The following PHTF2 variants were observed in gnomAD, a reference collection of about 807,000 sequenced individuals.
PHTF2 encodes the protein protein PHTF2.
Under a neutral mutation model 101.2 loss-of-function variants are expected in PHTF2, and 60 were observed. The ratio of observed to expected loss-of-function variants is 0.59; its 90% CI spans 0.48 to 0.73. The LOEUF (loss-of-function observed/expected upper bound fraction) is 0.73, where lower values mean the gene tolerates loss of function less well. Ranked by LOEUF, PHTF2 falls within the 30% of genes least tolerant of loss-of-function variation. The pLI is 0.00. For synonymous variants in PHTF2, 311 were observed against 307.3 expected, an observed-to-expected ratio of 1.01 and a Z score of -0.13; for missense variants, 747 against 908.7, an observed-to-expected ratio of 0.82 and a Z score of 2.29.
chr7:77,899,083 G>A (rs1372132657), intron 5 of PHTF2, among the ~76,000 whole-genome samples: 1 of 152,126 alleles, frequency 6.6e-6, no homozygotes, highest in Admixed American at 6.5e-5. Flanking sequence ...GATTAAAGGC[G>A]TGAGCCACTG....
intron 16 of PHTF2, among the ~76,000 whole-genome samples, chr7:77,949,346 A>G (rs2150993597): frequency 6.6e-6 from 1 of 152,304 alleles, no homozygotes; most frequent in East Asian, 1.9e-4. Flanking sequence ...ATTATGGAAA[A>G]GATAAACATA....
chr7:77,948,132 G>T (rs1806240058), intron 16 of PHTF2, among the ~76,000 whole-genome samples: 1 of 152,078 alleles, frequency 6.6e-6, no homozygotes, highest in Non-Finnish European at 1.5e-5. Context: ...GAGCCACTAT[G>T]CCTGGCCTAA....
exon 10 of PHTF2, chr7:77,920,359 T>A (rs1421488371): frequency 6.2e-7 from 1 of 1,610,844 alleles, no homozygotes; most frequent in Admixed American, 1.7e-5. Flanking sequence ...AAGAAGACTG[T>A]TAAAAGCGGT....
At chr7:77,896,693 T>C (rs1800903559) in intron 5 of PHTF2, among the ~76,000 whole-genome samples, 2 of 152,210 alleles carry the variant, frequency 1.3e-5, no homozygotes, top group Admixed American at 1.3e-4. Context: ...CAAATTATGG[T>C]GTAAAATAAT....
chr7:77,946,907 A>G (rs1806092999), intron 16 of PHTF2, among the ~76,000 whole-genome samples: 1 of 151,268 alleles, frequency 6.6e-6, no homozygotes, highest in Non-Finnish European at 1.5e-5. Context: ...GGATCCCTTG[A>G]GCCCAGGAGT....
intron 15 of PHTF2, among the ~76,000 whole-genome samples, chr7:77,940,985 T>C (rs1346710551): frequency 2.0e-5 from 3 of 152,224 alleles, no homozygotes; most frequent in Non-Finnish European, 4.4e-5. Flanking sequence ...TTCCTAATTA[T>C]GGAAGTATGA....
At chr7:77,822,291 G>GT (rs1384020374) in intron 1 of PHTF2, among the ~76,000 whole-genome samples, 1 of 152,128 alleles carries the variant, frequency 6.6e-6, no homozygotes, top group East Asian at 1.9e-4. Flanking sequence ...TGGGGTTGTG[G>GT]TTTTCAGCCA....
intron 3 of PHTF2, among the ~76,000 whole-genome samples, chr7:77,882,235 G>A (rs1272633738): frequency 2.0e-5 from 3 of 152,068 alleles, no homozygotes; most frequent in Middle Eastern, 3.2e-3. Flanking sequence ...ATCTGCAGAT[G>A]AGAATGTGTT....
At chr7:77,947,545 A>G (rs141930888) in intron 16 of PHTF2, among the ~76,000 whole-genome samples, 181 of 152,276 alleles carry the variant, frequency 1.2e-3, no homozygotes, top group African/African-American at 4.2e-3. Flanking sequence ...CCTGGGCGAC[A>G]GAGTGAGACT....
chr7:77,819,076 A>T (rs73374188), intron 1 of PHTF2, among the ~76,000 whole-genome samples: 24,314 of 152,152 alleles, frequency 0.16, 2,774 homozygotes, highest in African/African-American at 0.32. Context: ...CTGATTTGTG[A>T]ATATTGATAC....
chr7:77,854,743 C>A (rs1461836648), exon 3 of PHTF2: 2 of 717,880 alleles, frequency 2.8e-6, no homozygotes, highest in African/African-American at 3.5e-5. Flanking sequence ...GAGTTTCTCT[C>A]TGTGGCCACC....
At chr7:77,873,086 GC>G (rs1798651084) in intron 3 of PHTF2, among the ~76,000 whole-genome samples, 1 of 152,012 alleles carries the variant, frequency 6.6e-6, no homozygotes. Context: ...GTGCCACTAT[GC>G]CTGGCTAATT....
Position 77,853,415 on chromosome 7 carries a change from A to G in PHTF2, c.46-1318A>G, listed in dbSNP as rs548293457. ...GCTCTGGAATTTTTTTTTTTTTGAGACAGAGTCTTGCTCTGTTGCCCAGGC... is the reference window on the plus strand; with the variant it reads ...GCTCTGGAATTTTTTTTTTTTTGAGGCAGAGTCTTGCTCTGTTGCCCAGGC... On this transcript the variant is annotated intron_variant, in intron 2 of 19. Transcript: ENST00000416283. Among the ~76,000 whole-genome samples, 231 of 149,674 alleles carry G rather than the reference A, an allele frequency of 1.5e-3. 1 individual carries two copies. Among genetic ancestry groups the G allele is most frequent in the Non-Finnish European group, 2.8e-3 (187 of 67,574 alleles).
At chr7:77,944,202 A>G (rs1805864775) in intron 16 of PHTF2, among the ~76,000 whole-genome samples, 1 of 152,310 alleles carries the variant, frequency 6.6e-6, no homozygotes, top group Non-Finnish European at 1.5e-5. Context: ...CATTGCCAGT[A>G]TTAGTATTGT....
chr7:77,905,547 G>A (rs1801776840), intron 7 of PHTF2, among the ~76,000 whole-genome samples: 2 of 152,082 alleles, frequency 1.3e-5, no homozygotes, highest in African/African-American at 4.8e-5. Context: ...TGCTCAGGCT[G>A]GAGTGCGGTG....
intron 3 of PHTF2, among the ~76,000 whole-genome samples, chr7:77,862,084 G>T (rs1453182132): frequency 6.7e-6 from 1 of 148,592 alleles, no homozygotes; most frequent in Non-Finnish European, 1.5e-5. Flanking sequence ...AGGAAAAATA[G>T]AAAAAAATAC....
intron 3 of PHTF2, among the ~76,000 whole-genome samples, chr7:77,891,681 G>C (rs1800427966): frequency 6.6e-6 from 1 of 151,980 alleles, no homozygotes; most frequent in Non-Finnish European, 1.5e-5. Flanking sequence ...CAACCTCCCA[G>C]GCTCATGCAA....
chr7:77,956,333 C>A (rs1393774656), exon 20 of PHTF2: 1 of 152,492 alleles, frequency 6.6e-6, no homozygotes, highest in East Asian at 1.9e-4. Context: ...AAATCATAAT[C>A]TTAAAATCAG....
At chr7:77,907,152 T>C (rs1308660041) in intron 7 of PHTF2, among the ~76,000 whole-genome samples, 2 of 152,072 alleles carry the variant, frequency 1.3e-5, no homozygotes, top group African/African-American at 2.4e-5. Flanking sequence ...AGAATTCATA[T>C]TAAAAACAAA....
Sources: allele counts gnomAD v4.1 joint callset (sites outside exome capture counted in the v4.1 genomes callset), GRCh38; gene constraint gnomAD v4.1.1; transcripts MANE v1.5; gene names NCBI Gene and HGNC (gene_info 2026-07-23, HGNC 2026-07-21).